SV2C: variants seen among roughly 807,000 people sequenced by gnomAD.
SV2C encodes synaptic vesicle glycoprotein 2C.
A neutral mutation model predicts 79.7 loss-of-function variants in SV2C; 49 were observed. The observed-to-expected ratio is 0.61, with a 90% CI of 0.49 to 0.78. SV2C has a LOEUF of 0.78. Ranked by LOEUF, SV2C falls within the 30% of genes least tolerant of loss-of-function variation. SV2C has a pLI of 0.00. For missense variants in SV2C, 833 were observed against 912.9 expected (o/e 0.91, Z 1.13); for synonymous variants, 334 against 333.2 (o/e 1.00, Z -0.03).
At chr5:76,321,051 G>A (rs1044934509) in intron 12 of SV2C, among the ~76,000 whole-genome samples, 1 of 152,310 alleles carries the variant, frequency 6.6e-6, no homozygotes, top group South Asian at 2.1e-4. Flanking sequence ...GCAGCTCAGG[G>A]AGGAGTGTTT....
At chr5:75,949,787 G>A in the SV2C span, among the ~76,000 whole-genome samples, 79 of 151,996 alleles carry the variant, frequency 5.2e-4, no homozygotes, top group Middle Eastern at 3.4e-3. Flanking sequence ...ACCCAGTCTC[G>A]GATATGTCTT....
chr5:75,981,863 T>G, the SV2C span, among the ~76,000 whole-genome samples: 1 of 151,946 alleles, frequency 6.6e-6, no homozygotes, highest in African/African-American at 2.4e-5. Context: ...CAAAAATTGA[T>G]TAATGGGATC....
chr5:76,007,682 T>C, the SV2C span, among the ~76,000 whole-genome samples: 2 of 152,182 alleles, frequency 1.3e-5, no homozygotes, highest in Admixed American at 1.3e-4. Flanking sequence ...AACTACTATG[T>C]TGAAGACACT....
At chr5:76,246,080 A>C (rs952806925) in intron 4 of SV2C, among the ~76,000 whole-genome samples, 1 of 152,116 alleles carries the variant, frequency 6.6e-6, no homozygotes, top group African/African-American at 2.4e-5. Flanking sequence ...ACCCATCACC[A>C]TCAGGAAATG....
At chr5:75,906,262 G>A in the SV2C span, among the ~76,000 whole-genome samples, 1,269 of 152,212 alleles carry the variant, frequency 8.3e-3, 42 homozygotes, top group Admixed American at 0.066. Context: ...ATACATTCCT[G>A]CTCCTTTAAG....
the SV2C span, among the ~76,000 whole-genome samples, chr5:75,927,516 T>C: frequency 6.6e-6 from 1 of 152,042 alleles, no homozygotes; most frequent in Non-Finnish European, 1.5e-5. Flanking sequence ...TGGGAAATTA[T>C]TTTTCAATGG....
chr5:75,859,669 A>G, the SV2C span, among the ~76,000 whole-genome samples: 1 of 152,148 alleles, frequency 6.6e-6, no homozygotes, highest in African/African-American at 2.4e-5. Flanking sequence ...ACTCCGCGGC[A>G]TTCCACAGGT....
At chr5:76,031,563 C>G in the SV2C span, among the ~76,000 whole-genome samples, 6 of 152,184 alleles carry the variant, frequency 3.9e-5, no homozygotes, top group African/African-American at 1.4e-4. Flanking sequence ...AGAAATTGCA[C>G]TTCCTGATGG....
At chr5:76,040,319 T>A in the SV2C span, among the ~76,000 whole-genome samples, 2 of 152,220 alleles carry the variant, frequency 1.3e-5, no homozygotes, top group African/African-American at 4.8e-5. Context: ...TAAAAAGTCA[T>A]CTGCTATCTG....
At chr5:75,940,887 T>G in the SV2C span, among the ~76,000 whole-genome samples, 1 of 152,220 alleles carries the variant, frequency 6.6e-6, no homozygotes, top group Non-Finnish European at 1.5e-5. Flanking sequence ...AGTGTAATTT[T>G]GCGCTTGCTT....
At chr5:76,219,115 C>G (rs1192156838) in intron 4 of SV2C, among the ~76,000 whole-genome samples, 1 of 152,134 alleles carries the variant, frequency 6.6e-6, no homozygotes, top group Non-Finnish European at 1.5e-5. Context: ...AGCAGCCCAG[C>G]CAGGACAGGC....
the SV2C span, among the ~76,000 whole-genome samples, chr5:75,980,453 C>T: frequency 4.2e-4 from 64 of 152,176 alleles, no homozygotes; most frequent in Non-Finnish European, 5.4e-4. Context: ...AACATCAAGG[C>T]AAAAATCCTC....
the SV2C span, among the ~76,000 whole-genome samples, chr5:76,032,919 A>T: frequency 6.6e-6 from 1 of 152,112 alleles, no homozygotes; most frequent in African/African-American, 2.4e-5. Flanking sequence ...TTGTTTCCTG[A>T]CTTTTTAATG....
chr5:75,915,521 T>G, the SV2C span, among the ~76,000 whole-genome samples: 1 of 152,262 alleles, frequency 6.6e-6, no homozygotes, highest in Non-Finnish European at 1.5e-5. Context: ...TAAAGAGGTA[T>G]GACTGCCTAA....
intron 6 of SV2C, among the ~76,000 whole-genome samples, chr5:76,288,679 G>A (rs999706630): frequency 3.3e-5 from 5 of 152,132 alleles, no homozygotes; most frequent in East Asian, 3.8e-4. Context: ...CACTAATGGC[G>A]ATGTGTTAAT....
the SV2C span, among the ~76,000 whole-genome samples, chr5:75,958,726 T>G: frequency 6.6e-6 from 1 of 151,920 alleles, no homozygotes; most frequent in South Asian, 2.1e-4. Context: ...CCGTTTCTTT[T>G]TGAGACTCTA....
chr5:76,230,580 C>T (rs2112397419), intron 4 of SV2C, among the ~76,000 whole-genome samples: 1 of 152,178 alleles, frequency 6.6e-6, no homozygotes, highest in African/African-American at 2.4e-5. Context: ...CACTTGAGTC[C>T]AGGAGTTCGA....
chr5:76,307,669 T>C (rs911912588), intron 12 of SV2C, among the ~76,000 whole-genome samples: 6 of 152,234 alleles, frequency 3.9e-5, no homozygotes, highest in African/African-American at 1.4e-4. Flanking sequence ...TCTTTTGTTA[T>C]AGTTCCGCAG....
At position 76,188,325 on chromosome 5, in the gene SV2C, T is replaced by C. The variant is rs567273150; in HGVS notation, c.581-6594T>C. ...GTGTTTTACACAGTACTAAGCACTT[T>C]ATCTCATTTAATCTCTCAAAACCCT... On this transcript the variant is annotated intron_variant, in intron 2 of 12. Transcript: ENST00000502798. Among the ~76,000 whole-genome samples the C allele has an allele frequency of 2.0e-5, 3 of 152,320 alleles. No individual in the cohort carries two copies. The East Asian group carries it at 5.8e-4, about 29-fold the overall frequency.
Sources: allele counts gnomAD v4.1 joint callset (sites outside exome capture counted in the v4.1 genomes callset), GRCh38; gene constraint gnomAD v4.1.1; transcripts MANE v1.5; gene names NCBI Gene and HGNC (gene_info 2026-07-23, HGNC 2026-07-21).